GDA: variants seen among roughly 807,000 people sequenced by gnomAD.
The protein encoded by GDA is guanine deaminase, also known as cytoplasmic PSD-95 interactor.
In GDA, 18 loss-of-function variants were observed where a neutral mutation model predicts 59.6. The ratio of observed to expected loss-of-function variants is 0.30; its 90% CI spans 0.21 to 0.45. GDA has a LOEUF of 0.45. GDA is among the 20% of genes least tolerant of loss of function. GDA has a pLI of 1.00. For synonymous variants in GDA, 201 were observed against 201.1 expected (o/e 1.00, Z 0.00); for missense variants, 427 against 552.3 (o/e 0.77, Z 2.27).
downstream of GDA, among the ~76,000 whole-genome samples, chr9:72,258,732 G>A (rs915428186): frequency 5.3e-5 from 8 of 152,196 alleles, no homozygotes; most frequent in Non-Finnish European, 1.2e-4. Flanking sequence ...GTGGACAGAG[G>A]TCCTGTGACC....
chr9:72,193,732 TA>T (rs1832829359), intron 1 of GDA: 1 of 152,276 alleles, frequency 6.6e-6, no homozygotes, highest in Non-Finnish European at 1.5e-5. Flanking sequence ...TTCAGGATAG[TA>T]AGTCACCGCA....
At chr9:72,189,166 CTTTTTTTTTTTTTT>C (rs71493640) in intron 1 of GDA, among the ~76,000 whole-genome samples, 16,002 of 55,030 alleles carry the variant, frequency 0.29, 1,730 homozygotes, top group East Asian at 0.6. Flanking sequence ...AGACTCTAGA[CTTTTTTTTTTTTTT>C]TTTTTTTTTT....
At chr9:72,158,864 T>A (rs914865426) in intron 1 of GDA, among the ~76,000 whole-genome samples, 2 of 146,354 alleles carry the variant, frequency 1.4e-5, no homozygotes, top group Non-Finnish European at 3.0e-5. Context: ...TGAGACAAGG[T>A]AAGGACACCA....
Position 72,139,333 on chromosome 9 carries a change from C to G in GDA, c.-100+24500C>G, listed in dbSNP as rs115462893. Among the ~76,000 whole-genome samples, 63 of 152,236 alleles carry G rather than the reference C, an allele frequency of 4.1e-4. 2 individuals carry two copies. Among genetic ancestry groups the G allele is most frequent in the African/African-American group, 1.3e-3 (56 of 41,534 alleles). On this transcript the variant is annotated intron_variant, in intron 1 of 13. Transcript: ENST00000545168. ...TGTTCTGGGCCATTAAAATATTTCT[C>G]CATTGAAATACATATATCAAAATGT...
At chr9:72,179,031 C>T (rs1034886204) in intron 1 of GDA, among the ~76,000 whole-genome samples, 19 of 152,124 alleles carry the variant, frequency 1.2e-4, no homozygotes, top group Admixed American at 5.9e-4. Context: ...TGGCTGGGGC[C>T]GAGCTCAATG....
At chr9:72,133,308 A>AAAAAAAAAAAAAAAAT (rs767205305) in intron 1 of GDA, among the ~76,000 whole-genome samples, 1 of 101,558 alleles carries the variant, frequency 9.8e-6, no homozygotes, top group Non-Finnish European at 2.1e-5. Context: ...AAAAAAAAAA[A>AAAAAAAAAAAAAAAAT]AATAATAATA....
At chr9:72,254,274 C>G (rs1840837835), downstream of GDA, among the ~76,000 whole-genome samples, 1 of 152,124 alleles carries the variant, frequency 6.6e-6, no homozygotes, top group African/African-American at 2.4e-5. Flanking sequence ...TTGCATTTAT[C>G]ATACTTAAAA....
chr9:72,248,389 C>T lies in GDA; in HGVS notation c.*47C>T. ...TTCTCCTGGGATTAGCGTGGTTCTGCATCTCCCTTGTGCCCAGGTGGAGTT... is the reference window on the plus strand; with the variant it reads ...TTCTCCTGGGATTAGCGTGGTTCTGTATCTCCCTTGTGCCCAGGTGGAGTT... On this transcript the variant is annotated 3_prime_UTR_variant, in exon 14 of 14. Transcript: ENST00000358399. 1 of 1,611,994 alleles carries T rather than the reference C, an allele frequency of 6.2e-7. No homozygotes were observed. Among genetic ancestry groups the T allele is most frequent in the Non-Finnish European group, 8.5e-7 (1 of 1,178,994 alleles).
At chr9:72,123,438 C>A (rs1397656690) in intron 1 of GDA, among the ~76,000 whole-genome samples, 3 of 149,570 alleles carry the variant, frequency 2.0e-5, no homozygotes, top group Non-Finnish European at 4.4e-5. Context: ...CTGCCTTGGC[C>A]TCTCAAAGTG....
Position 72,249,709 on chromosome 9 carries a change from G to A in GDA, c.*1367G>A. The A allele has an allele frequency of 1.3e-6, 1 of 749,864 alleles. No individual in the cohort carries two copies. The highest frequency in any genetic ancestry group is 1.9e-5 in the African/African-American group (1 of 52,692). 46.5% of individuals were successfully genotyped at this position (749,864 alleles called of 1,614,324 possible). A position where few individuals can be genotyped will look rare whatever the true frequency, so the allele number is the denominator to read the frequency against. ...TTATTTAATTACAAATACTATAAAT[G>A]AGCAAGGAAAAGGAATAGACTTTCT... On this transcript the variant is annotated 3_prime_UTR_variant, in exon 14 of 14. Coordinates refer to ENST00000358399, the MANE Select transcript of GDA (RefSeq NM_004293.5).
intron 1 of GDA, among the ~76,000 whole-genome samples, chr9:72,171,772 C>A (rs1830006524): frequency 6.6e-6 from 1 of 152,030 alleles, no homozygotes; most frequent in African/African-American, 2.4e-5. Context: ...CTTAAAGGCC[C>A]CTCAGGGTAT....
chr9:72,248,152 A>T, intron 13 of GDA, 120 bp from the exon 14 acceptor site: 1 of 727,422 alleles, frequency 1.4e-6, no homozygotes, highest in Non-Finnish European at 2.5e-6. Flanking sequence ...GGTTGGGGGA[A>T]AGCAGCTTTT....
At chr9:72,149,368 A>G (rs1399373380), upstream of GDA, 2 of 570,708 alleles carry the variant, frequency 3.5e-6, no homozygotes, top group East Asian at 3.3e-5. Context: ...TCCTATTGGC[A>G]TTGAGGAGGT....
Position 72,245,148 on chromosome 9 carries a change from C to T in GDA, c.1136C>T (p.Ala379Val), listed in dbSNP as rs1222212330. 6.2e-7 allele frequency: 1 copy of T among 1,613,372 alleles called. No homozygotes were observed. Among genetic ancestry groups the T allele is most frequent in the Non-Finnish European group, 8.5e-7 (1 of 1,179,608 alleles). ...CTGTTTATTCACTTGTTCTCAATAG[C>T]CCTGGGGCTGGATGGTGAGATTGGA... ...FRLATLGGSQ[A>V]LGLDGEIGNF... The change falls in exon 12 of 14, where the codon GCC (alanine) becomes GTC (valine). Residue 379 changes from alanine to valine, a missense_variant and splice_region_variant. Physicochemically the swap from Ala to Val is moderately conservative, Grantham distance 64 (BLOSUM62 0). Transcript: ENST00000358399.
intron 1 of GDA, among the ~76,000 whole-genome samples, chr9:72,180,421 C>A (rs1296060409): frequency 6.6e-6 from 1 of 151,872 alleles, no homozygotes; most frequent in Non-Finnish European, 1.5e-5. Context: ...TTTGTGTGTG[C>A]CTGCATTTTT....
intron 1 of GDA, among the ~76,000 whole-genome samples, chr9:72,131,860 T>C (rs1258324613): frequency 6.6e-6 from 1 of 152,142 alleles, no homozygotes; most frequent in Non-Finnish European, 1.5e-5. Flanking sequence ...ATGCTGCTGA[T>C]AAAGACATAC....
intron 13 of GDA, among the ~76,000 whole-genome samples, 200 bp downstream of exon 13, chr9:72,247,633 A>G (rs1029035241): frequency 6.6e-6 from 1 of 152,218 alleles, no homozygotes; most frequent in Non-Finnish European, 1.5e-5. Flanking sequence ...TGAAATGCAC[A>G]TGACTCCCTC....
intron 1 of GDA, among the ~76,000 whole-genome samples, chr9:72,164,418 G>A (rs994528411): frequency 2.0e-5 from 3 of 152,138 alleles, no homozygotes; most frequent in Admixed American, 6.5e-5. Context: ...TCAGGCAACT[G>A]TTGACCCTAG....
intron 10 of GDA, among the ~76,000 whole-genome samples, chr9:72,239,001 A>G (rs1839317543): frequency 6.6e-6 from 1 of 152,252 alleles, no homozygotes; most frequent in Non-Finnish European, 1.5e-5. Flanking sequence ...TGTAAAATGT[A>G]GATATTCGTG....
Sources: allele counts gnomAD v4.1 joint callset (sites outside exome capture counted in the v4.1 genomes callset), GRCh38; gene constraint gnomAD v4.1.1; transcripts MANE v1.5; gene names NCBI Gene and HGNC (gene_info 2026-07-23, HGNC 2026-07-21).